Variants in AMPH observed in about 807,000 individuals in gnomAD.
AMPH encodes amphiphysin (Stiff-Mann syndrome with breast cancer 128kD autoantigen).
AMPH carries 49 observed loss-of-function variants against 99.1 expected under a neutral mutation model. That is an observed-to-expected ratio of 0.49 (90% CI 0.39 to 0.63). The LOEUF is 0.63. Ranked by LOEUF, AMPH falls within the 20% of genes least tolerant of loss-of-function variation. The pLI, the probability that AMPH is intolerant of heterozygous loss-of-function variation, is 0.00. For missense variants in AMPH, 759 were observed against 863.4 expected (o/e 0.88, Z 1.52); for synonymous variants, 314 against 317.3 (o/e 0.99, Z 0.11).
intron 1 of AMPH, among the ~76,000 whole-genome samples, chr7:38,540,006 AT>A (rs1451204536): frequency 6.6e-6 from 1 of 152,240 alleles, no homozygotes; most frequent in African/African-American, 2.4e-5. Flanking sequence ...GACCTCTTTC[AT>A]TAACCACTCC....
chr7:38,407,088 G>T (rs962172196), intron 17 of AMPH, among the ~76,000 whole-genome samples: 1 of 40,638 alleles, frequency 2.5e-5, no homozygotes, highest in Non-Finnish European at 5.3e-5. Flanking sequence ...GTGTGTGTGT[G>T]TGTGTGTGTG....
At chr7:38,427,766 G>C (rs564073517) in intron 14 of AMPH, 25 of 383,930 alleles carry the variant, frequency 6.5e-5, no homozygotes, top group South Asian at 4.3e-4. Flanking sequence ...AATGAAGTAG[G>C]TGACAGACAT....
intron 3 of AMPH, among the ~76,000 whole-genome samples, chr7:38,496,945 C>T (rs2893561): frequency 0.16 from 23,911 of 152,062 alleles, 2,037 homozygotes; most frequent in Middle Eastern, 0.24. Context: ...TGAATATAAC[C>T]TTAAAATAAA....
intron 11 of AMPH, among the ~76,000 whole-genome samples, chr7:38,441,557 T>TAAAC (rs1786505156): frequency 6.6e-6 from 1 of 151,566 alleles, no homozygotes; most frequent in Non-Finnish European, 1.5e-5. Context: ...AATGAACAAA[T>TAAAC]AAACACAATG....
intron 1 of AMPH, among the ~76,000 whole-genome samples, chr7:38,591,908 G>A (rs867806677): frequency 3.2e-4 from 49 of 152,156 alleles, no homozygotes; most frequent in African/African-American, 1.1e-3. Context: ...ACCCAGCAGC[G>A]CTAGAGGAGT....
rs112872886 is a variant in AMPH at position 38,462,995 on chromosome 7, G to T, written c.868C>A (p.Arg290=). Residue 290 remains arginine (R), a synonymous_variant, in exon 10 of 21, where the codon CGG becomes AGG. Transcript: ENST00000356264. ...CCTACCTGTGAAGGTGACCGAGGCC[G>T]TGCTGGTGCGGGAGACGCAGGTGCT... The part of the protein sequence containing the change: ...TLAPASPAPA[R]PRSPSQTRKG... 1 of 1,589,758 alleles carries T rather than the reference G, an allele frequency of 6.3e-7. No homozygotes were observed. The highest frequency in any genetic ancestry group is 1.2e-5 in the South Asian group (1 of 86,636).
At chr7:38,496,852 T>C (rs1788952213) in intron 3 of AMPH, among the ~76,000 whole-genome samples, 1 of 152,118 alleles carries the variant, frequency 6.6e-6, no homozygotes, top group African/African-American at 2.4e-5. Context: ...ACTGTGTAGA[T>C]AGGTTTTTAA....
At chr7:38,596,054 T>C (rs1350459467) in intron 1 of AMPH, among the ~76,000 whole-genome samples, 2 of 152,172 alleles carry the variant, frequency 1.3e-5, no homozygotes, top group Non-Finnish European at 2.9e-5. Flanking sequence ...GTAGGGTGAT[T>C]TATTTTCACT....
At chr7:38,450,064 A>G (rs1045073355) in intron 11 of AMPH, among the ~76,000 whole-genome samples, 5 of 152,204 alleles carry the variant, frequency 3.3e-5, no homozygotes, top group South Asian at 2.1e-4. Context: ...AGAAAAGCCA[A>G]TGGTGCTCAA....
chr7:38,553,554 T>G (rs1791254115), intron 1 of AMPH, among the ~76,000 whole-genome samples: 1 of 152,242 alleles, frequency 6.6e-6, no homozygotes, highest in Admixed American at 6.5e-5. Context: ...TCAAGCAGTG[T>G]GCATTTAAAT....
intron 1 of AMPH, among the ~76,000 whole-genome samples, chr7:38,579,680 T>A: frequency 6.6e-6 from 1 of 152,238 alleles, no homozygotes; most frequent in African/African-American, 2.4e-5. Context: ...GTGTCACAAG[T>A]GCAATGACAT....
intron 9 of AMPH, among the ~76,000 whole-genome samples, chr7:38,464,903 A>G (rs1787591716): frequency 6.6e-6 from 1 of 152,190 alleles, no homozygotes; most frequent in Admixed American, 6.5e-5. Context: ...CAGGTCACCT[A>G]TGGATCATTG....
At position 38,441,819 on chromosome 7, in the gene AMPH, C is replaced by CATATATCATATATATCATATATCAT. The variant is rs1554336911; in HGVS notation, c.1018-5456_1018-5432dup. Among the ~76,000 whole-genome samples, 343 of 70,656 alleles carry CATATATCATATATATCATATATCAT rather than the reference C, an allele frequency of 4.9e-3. 4 individuals are homozygous for CATATATCATATATATCATATATCAT. Among genetic ancestry groups the CATATATCATATATATCATATATCAT allele is most frequent in the African/African-American group, 6.3e-3 (121 of 19,112 alleles). 46.4% of individuals were successfully genotyped at this position (70,656 alleles called of 152,430 possible). A position where few individuals can be genotyped will look rare whatever the true frequency, so the allele number is the denominator to read the frequency against. ...TATATCATATATATATCATATATAT[C>CATATATCATATATATCATATATCAT]ATATATCATATATATCATATATCAT... On this transcript the variant is annotated intron_variant, in intron 11 of 20. Transcript: ENST00000356264.
At chr7:38,558,249 G>T (rs74550694) in intron 1 of AMPH, among the ~76,000 whole-genome samples, 4,596 of 152,224 alleles carry the variant, frequency 0.03, 237 homozygotes, top group African/African-American at 0.1. Flanking sequence ...TCTTGATCTA[G>T]TTCCACAACA....
chr7:38,471,622 C>T (rs762730253), intron 7 of AMPH, among the ~76,000 whole-genome samples: 8 of 152,088 alleles, frequency 5.3e-5, no homozygotes, highest in South Asian at 2.1e-4. Flanking sequence ...GAAAAGCCTA[C>T]ATTTTGGTAA....
intron 14 of AMPH, chr7:38,429,503 T>G: frequency 7.4e-7 from 1 of 1,350,224 alleles, no homozygotes; most frequent in Non-Finnish European, 9.7e-7. Flanking sequence ...ATCTTTGAAT[T>G]TCTTCGGCCA....
chr7:38,437,098 G>A lies in AMPH; in HGVS notation c.1018-710C>T, dbSNP rs537044555. 9.1e-4 allele frequency among the ~76,000 whole-genome samples: 138 copies of A among 152,212 alleles called. 1 individual carries two copies. The highest frequency in any genetic ancestry group is 2.2e-3 in the African/African-American group (90 of 41,526). ...AGGTAAGCCAAATAAGACACAGGAC[G>A]AAAGTCCTGCTTTGATAATACAAAA... On this transcript the variant is annotated intron_variant, in intron 11 of 20. Coordinates refer to ENST00000356264, the MANE Select transcript of AMPH (RefSeq NM_001635.4).
Position 38,588,925 on chromosome 7 carries a change from C to T in AMPH, c.69+42358G>A, listed in dbSNP as rs188647184. Among the ~76,000 whole-genome samples the T allele has an allele frequency of 4.5e-3, 690 of 152,230 alleles. 4 individuals are homozygous for T. The highest frequency in any genetic ancestry group is 0.016 in the African/African-American group (649 of 41,536). On this transcript the variant is annotated intron_variant, in intron 1 of 20. Transcript: ENST00000356264. The stretch of plus-strand genomic sequence containing the variant: ...AAGTTCAAACACCCTCCTCCACACC[C>T]TCTCCTGCCCCCAAACAACCACTGA...
At chr7:38,535,045 A>C in intron 1 of AMPH, 34 bp from the exon 2 acceptor site, 1 of 1,570,670 alleles carries the variant, frequency 6.4e-7, no homozygotes, top group Non-Finnish European at 8.8e-7. Flanking sequence ...GGTTTAATTT[A>C]ATAATGTTTT....
Sources: gnomAD v4.1 joint callset for allele counts (sites outside exome capture counted in the v4.1 genomes callset) on GRCh38, gnomAD v4.1.1 for gene constraint, MANE v1.5 for transcripts, NCBI Gene and HGNC (gene_info 2026-07-23, HGNC 2026-07-21) for gene names.